The following SRSF4 variants were observed in gnomAD, a reference collection of about 807,000 sequenced individuals.
The protein encoded by SRSF4 is serine and arginine rich splicing factor 4.
Under a neutral mutation model 48.8 loss-of-function variants are expected in SRSF4, and 12 were observed. The ratio of observed to expected loss-of-function variants is 0.25; its 90% CI spans 0.16 to 0.40. The LOEUF (loss-of-function observed/expected upper bound fraction) is 0.40. Ranked by LOEUF, SRSF4 falls within the 10% of genes least tolerant of loss-of-function variation. SRSF4 has a pLI of 1.00. For missense variants in SRSF4, 466 were observed against 667.1 expected (o/e 0.70, Z 3.32); for synonymous variants, 248 against 232.5 (o/e 1.07, Z -0.61).
intron 1 of SRSF4, among the ~76,000 whole-genome samples, chr1:29,179,750 C>T (rs1672925878): frequency 6.6e-6 from 1 of 152,190 alleles, no homozygotes. Context: ...CCAAGTTTTA[C>T]TAGAGTTTAA....
chr1:29,165,980 A>C (rs1180956334), intron 1 of SRSF4: 1 of 152,264 alleles, frequency 6.6e-6, no homozygotes, highest in Non-Finnish European at 1.5e-5. Flanking sequence ...TTTTGTTTTC[A>C]CAATGTGGTG....
chr1:29,170,007 T>C (rs765686713), intron 1 of SRSF4: 1 of 152,240 alleles, frequency 6.6e-6, no homozygotes, highest in East Asian at 1.9e-4. Flanking sequence ...ACACTGCAAA[T>C]AGTTTGTGGA....
chr1:29,155,239 T>C (rs1433307674), intron 3 of SRSF4, among the ~76,000 whole-genome samples: 5 of 152,090 alleles, frequency 3.3e-5, no homozygotes, highest in African/African-American at 9.7e-5. Context: ...AAGACCAGCC[T>C]TGACAACACA....
rs1401764938 is a variant in SRSF4 at position 29,173,032 on chromosome 1, C to CTTAAAA, written c.107+8608_107+8613dup. 5 of 151,194 alleles carry CTTAAAA rather than the reference C, an allele frequency of 3.3e-5. No individual in the cohort carries two copies. In the East Asian group the frequency reaches 9.7e-4, roughly 29 times the overall value. The allele number at this position is 151,194 out of a possible 1,614,324, so 9.4% of individuals were successfully genotyped here. ...AAATTGCACGTAAAACCTCACCCATCTTAAAAGGATGCTTAATGATACTTT... is the reference window on the plus strand; with the variant it reads ...AAATTGCACGTAAAACCTCACCCATCTTAAAATTAAAAGGATGCTTAATGATACTTT... On this transcript the variant is annotated intron_variant, in intron 1 of 5. Transcript: ENST00000373795.
In SRSF4 at chr1:29,160,377, C is replaced by T. The variant is rs756275687; in HGVS notation, c.248G>A (p.Arg83His). 1.9e-6 allele frequency: 3 copies of T among 1,609,494 alleles called. No individual in the cohort carries two copies. The highest frequency in any genetic ancestry group is 2.5e-6 in the Non-Finnish European group (3 of 1,178,562). The stretch of plus-strand genomic sequence containing the variant: ...AAGTATGCCCTTTGAATGCTTACTG[C>T]GTCCAGAACCGTAACTGCCATCTCG... Reference protein sequence around the residue: ...PRRDGSYGSGRSGYGYRRSGR... With the variant: ...PRRDGSYGSGHSGYGYRRSGR... The change falls in exon 2 of 6, where the codon CGC (arginine) becomes CAC (histidine). Residue 83 changes from arginine (R) to histidine (H), a missense_variant and splice_region_variant. Transcript: ENST00000373795.
intron 3 of SRSF4, among the ~76,000 whole-genome samples, chr1:29,157,120 A>G (rs1040703274): frequency 2.0e-5 from 3 of 152,170 alleles, no homozygotes; most frequent in African/African-American, 7.2e-5. Flanking sequence ...AGTGCTTCAA[A>G]GGAGTGTCTT....
chr1:29,179,815 T>A (rs758508590), intron 1 of SRSF4, among the ~76,000 whole-genome samples: 3 of 152,242 alleles, frequency 2.0e-5, no homozygotes, highest in Non-Finnish European at 4.4e-5. Context: ...GCTTAATTTA[T>A]TCAAGAGCAG....
intron 5 of SRSF4, 109 bp from the exon 6 acceptor site, chr1:29,149,335 G>C: frequency 7.8e-7 from 1 of 1,283,332 alleles, no homozygotes; most frequent in South Asian, 1.5e-5. Flanking sequence ...TATAAAGCAT[G>C]GCTGGCACTG....
rs1672557507 is a variant in SRSF4, at chr1:29,159,281, T to C, written c.363+93A>G. 4 of 765,354 alleles carry C rather than the reference T, an allele frequency of 5.2e-6. No homozygotes were observed. The East Asian group carries it at 1.0e-4, about 19-fold the overall frequency. The allele number at this position is 765,354 out of a possible 1,614,324, so 47.4% of individuals were successfully genotyped here. ...GCAGGCTTTCAAACATATAACACTGTATTTTGTGTATGCCTGGGCCTGCAC... is the reference window on the plus strand; with the variant it reads ...GCAGGCTTTCAAACATATAACACTGCATTTTGTGTATGCCTGGGCCTGCAC... On this transcript the variant is annotated intron_variant, in intron 3 of 5. Coordinates refer to ENST00000373795, the MANE Select transcript of SRSF4 (RefSeq NM_005626.5).
intron 1 of SRSF4, among the ~76,000 whole-genome samples, chr1:29,178,425 G>A (rs1309838978): frequency 6.9e-6 from 1 of 145,502 alleles, no homozygotes; most frequent in African/African-American, 2.5e-5. Context: ...CTCACTGCAA[G>A]CTCCACCTCC....
In SRSF4 at chr1:29,148,433, ATCT is replaced by A. The variant is rs779163220; in HGVS notation, c.1459_1461del (p.Arg487del). 6.2e-7 allele frequency: 1 copy of A among 1,605,612 alleles called. No homozygotes were observed. The highest frequency in any genetic ancestry group is 2.2e-5 in the East Asian group (1 of 44,866). ...AGTTAGGACCTTGAGTGGGACCTAGATCTAGATCGGGAGGGCGATCTGGAAGCA... is the reference window on the plus strand; with the variant it reads ...AGTTAGGACCTTGAGTGGGACCTAGAAGATCGGGAGGGCGATCTGGAAGCA... On this transcript the variant is annotated inframe_deletion, in exon 6 of 6. Transcript: ENST00000373795.
At chr1:29,170,684 A>G (rs1186810301) in intron 1 of SRSF4, 1 of 152,204 alleles carries the variant, frequency 6.6e-6, no homozygotes, top group Non-Finnish European at 1.5e-5. Context: ...CTTCATTTCA[A>G]TTACATGAAA....
chr1:29,167,557 A>G (rs1438638114), intron 1 of SRSF4, among the ~76,000 whole-genome samples: 4 of 152,062 alleles, frequency 2.6e-5, no homozygotes, highest in African/African-American at 7.2e-5. Flanking sequence ...GCTAATTTTT[A>G]TATTTTTAGT....
chr1:29,174,303 T>C (rs2428558), intron 1 of SRSF4, among the ~76,000 whole-genome samples: 125,513 of 152,222 alleles, frequency 0.82, 52,323 homozygotes, highest in Middle Eastern at 0.89. Flanking sequence ...AGCATTAAAA[T>C]GTGTATATGC....
chr1:29,178,004 A>G (rs1672895462), intron 1 of SRSF4, among the ~76,000 whole-genome samples: 1 of 150,408 alleles, frequency 6.6e-6, no homozygotes, highest in Non-Finnish European at 1.5e-5. Flanking sequence ...GGTTCAAGCA[A>G]TTCTCCTGCC....
At position 29,148,295 on chromosome 1, in the gene SRSF4, A is replaced by G; in HGVS notation, c.*115T>C. 7.4e-7 allele frequency: 1 copy of G among 1,351,620 alleles called. No homozygotes were observed. The highest frequency in any genetic ancestry group is 1.8e-4 in the Middle Eastern group (1 of 5,474). The allele number at this position is 1,351,620 out of a possible 1,614,324, so 83.7% of individuals were successfully genotyped here. On this transcript the variant is annotated 3_prime_UTR_variant, in exon 6 of 6. Coordinates refer to ENST00000373795, the MANE Select transcript of SRSF4 (RefSeq NM_005626.5). Reference sequence around the variant, plus strand: ...TAGATTTAACAATTATAGACACACCATTAGGGGAGTTAAAAATGTACAGCA... The same window carrying G: ...TAGATTTAACAATTATAGACACACCGTTAGGGGAGTTAAAAATGTACAGCA...
chr1:29,149,038 G>C lies in SRSF4; in HGVS notation c.857C>G (p.Pro286Arg), dbSNP rs1462221042. The C allele has an allele frequency of 6.2e-7, 1 of 1,612,892 alleles. No homozygotes were observed. Among genetic ancestry groups the C allele is most frequent in the East Asian group, 2.2e-5 (1 of 44,780 alleles). The change falls in exon 6 of 6, where the codon CCC (proline) becomes CGC (arginine). Residue 286 changes from proline (P) to arginine (R), a missense_variant. Coordinates refer to ENST00000373795, the MANE Select transcript of SRSF4 (RefSeq NM_005626.5). ...KIQNNDNVGK[P>R]KSRSPSRHKS... ...ATGCCTGCTAGGACTCCGGCTCTTG[G>C]GTTTCCCGACATTGTCATTGTTTTG...
chr1:29,160,591 A>G, intron 1 of SRSF4, 74 bp from the exon 2 acceptor site: 2 of 1,488,120 alleles, frequency 1.3e-6, no homozygotes, highest in Non-Finnish European at 1.8e-6. Flanking sequence ...AGAGAAAGCA[A>G]TGAGGTTCAT....
At chr1:29,155,595 T>A (rs1217919415) in intron 3 of SRSF4, among the ~76,000 whole-genome samples, 1 of 152,100 alleles carries the variant, frequency 6.6e-6, no homozygotes, top group Non-Finnish European at 1.5e-5. Context: ...CAGGTTCAAG[T>A]GATTCTGTGC....
Sources: allele counts gnomAD v4.1 joint callset (sites outside exome capture counted in the v4.1 genomes callset), GRCh38; gene constraint gnomAD v4.1.1; transcripts MANE v1.5; gene names NCBI Gene and HGNC (gene_info 2026-07-23, HGNC 2026-07-21).